Variants in GCNT3 observed in about 807,000 individuals in gnomAD.
GCNT3 encodes the protein beta-1,3-galactosyl-O-glycosyl-glycoprotein beta-1,6-N-acetylglucosaminyltransferase 3.
For missense variants in GCNT3, 708 were observed against 530.3 expected (o/e 1.34, Z -3.29); for synonymous variants, 269 against 195.2 (o/e 1.38, Z -3.15).
rs753665618 is a variant in GCNT3 at position 59,618,794 on chromosome 15, G to A, written c.556G>A (p.Val186Ile). The change falls in exon 3 of 3, where the codon GTC (valine) becomes ATC (isoleucine). Residue 186 changes from valine to isoleucine, a missense_variant. Coordinates refer to ENST00000396065, the MANE Select transcript of GCNT3 (RefSeq NM_004751.3). ...VKAIISCFPN[V>I]FIASKLVRVV... The stretch of plus-strand genomic sequence containing the variant: ...AGCAATTATTTCTTGCTTCCCAAAT[G>A]TCTTCATAGCCAGTAAGCTGGTTCG... 2 of 1,614,188 alleles carry A rather than the reference G, an allele frequency of 1.2e-6. No homozygotes were observed. The highest frequency in any genetic ancestry group is 3.3e-5 in the Admixed American group (2 of 60,018).
intron 1 of GCNT3, among the ~76,000 whole-genome samples, chr15:59,612,852 G>A (rs931664451): frequency 6.6e-6 from 1 of 152,058 alleles, no homozygotes; most frequent in Non-Finnish European, 1.5e-5. Context: ...TCTGCCTGAG[G>A]TGCTGAGGGT....
Position 59,618,880 on chromosome 15 carries a change from C to G in GCNT3, c.642C>G (p.Leu214=). 1 of 1,614,118 alleles carries G rather than the reference C, an allele frequency of 6.2e-7. No individual in the cohort carries two copies. The highest frequency in any genetic ancestry group is 8.5e-7 in the Non-Finnish European group (1 of 1,180,018). The change falls in exon 3 of 3, where the codon CTC becomes CTG. Residue 214 remains leucine (L), a synonymous_variant. Coordinates refer to ENST00000396065, the MANE Select transcript of GCNT3 (RefSeq NM_004751.3). ...QADLNCMEDL[L]QSSVPWKYFL... ...ACCTCAACTGCATGGAAGACTTGCT[C>G]CAGAGCTCAGTGCCGTGGAAATACT...
chr15:59,618,356 T>G lies in GCNT3; in HGVS notation c.118T>G (p.Leu40Val), dbSNP rs751891802. 3.7e-6 allele frequency: 6 copies of G among 1,613,764 alleles called. No individual in the cohort carries two copies. The highest frequency in any genetic ancestry group is 5.1e-6 in the Non-Finnish European group (6 of 1,179,790). The change falls in exon 3 of 3, where the codon TTG becomes GTG. Residue 40 changes from leucine to valine, a missense_variant. By Grantham distance (32) the Leu-to-Val change is conservative. Transcript: ENST00000396065. Reference sequence around the variant, plus strand: ...CAGGTTGAAGTGTGACTCTGACCACTTGGGTCTGGAGTCCAGGGAATCTCA... The same window carrying G: ...CAGGTTGAAGTGTGACTCTGACCACGTGGGTCTGGAGTCCAGGGAATCTCA... The part of the protein sequence containing the change: ...SFRLKCDSDH[L>V]GLESRESQSQ...
chr15:59,619,553 T>G lies in GCNT3; in HGVS notation c.1315T>G (p.Ter439GlyextTer4). ...TAAGGCCATCTATGGGACTGAACTTTGAGACACACTATGAGAGCGTTGCTA... is the reference window on the plus strand; with the variant it reads ...TAAGGCCATCTATGGGACTGAACTTGGAGACACACTATGAGAGCGTTGCTA... ...RYKAIYGTEL[*>G] Residue 439 changes from the stop codon to glycine (G), a stop_lost, in exon 3 of 3, where the codon TGA becomes GGA. Coordinates refer to ENST00000396065, the MANE Select transcript of GCNT3 (RefSeq NM_004751.3). The G allele has an allele frequency of 2.4e-5, 37 of 1,555,612 alleles. No individual in the cohort carries two copies. The highest frequency in any genetic ancestry group is 3.3e-5 in the Non-Finnish European group (37 of 1,134,548).
chr15:59,617,984 T>C (rs1274976778), intron 2 of GCNT3, 195 bp from the exon 3 acceptor site: 2 of 320,286 alleles, frequency 6.2e-6, no homozygotes, highest in African/African-American at 2.1e-5. Context: ...AGATCCAGAC[T>C]TGAGTGTGGT....
chr15:59,619,137 T>C lies in GCNT3; in HGVS notation c.899T>C (p.Val300Ala), dbSNP rs2082734934. Residue 300 changes from valine to alanine, a missense_variant, in exon 3 of 3, where the codon GTG becomes GCG. Physicochemically the swap from Val to Ala is moderately conservative, Grantham distance 64. Transcript: ENST00000396065. ...ATGTTTACAGGGAATGCGTACATTG[T>C]GGCTTCCCGAGATTTCGTCCAACAT... ...LTMFTGNAYI[V>A]ASRDFVQHVL... is the part of the protein sequence containing the mutation. 6.2e-7 allele frequency: 1 copy of C among 1,614,064 alleles called. No individual in the cohort carries two copies. Among genetic ancestry groups the C allele is most frequent in the Non-Finnish European group, 8.5e-7 (1 of 1,180,030 alleles).
In GCNT3 at chr15:59,620,544, T is replaced by G. The variant is rs1332020584; in HGVS notation, c.*989T>G. ...TTAAAAGCCATCCTCATTTTGTTTA[T>G]ATTGCCAGGTTTGTGATTTTTCTGT... On this transcript the variant is annotated 3_prime_UTR_variant, in exon 3 of 3. Transcript: ENST00000396065. 1.2e-5 allele frequency: 2 copies of G among 167,088 alleles called. No individual in the cohort carries two copies. The highest frequency in any genetic ancestry group is 2.9e-5 in the Non-Finnish European group (2 of 68,126). 10.4% of individuals were successfully genotyped at this position (167,088 alleles called of 1,614,324 possible).
rs77872214 is a variant in GCNT3 at position 59,614,851 on chromosome 15, A to T, written c.-250-1841A>T. Among the ~76,000 whole-genome samples, 1,036 of 152,308 alleles carry T rather than the reference A, an allele frequency of 6.8e-3. 11 individuals carry two copies. Among genetic ancestry groups the T allele is most frequent in the African/African-American group, 0.024 (1,004 of 41,544 alleles). On this transcript the variant is annotated intron_variant, in intron 1 of 2. Transcript: ENST00000396065. ...TTCAAGATGGAGTTGCTCTGGTTCA[A>T]GCACCTCTGACAACCCTACATGACT...
At position 59,619,274 on chromosome 15, in the gene GCNT3, G is replaced by T; in HGVS notation, c.1036G>T (p.Val346Phe). Residue 346 changes from valine to phenylalanine, a missense_variant, in exon 3 of 3, where the codon GTT (valine) becomes TTT (phenylalanine). By Grantham distance (50) the Val-to-Phe change is conservative. Coordinates refer to ENST00000396065, the MANE Select transcript of GCNT3 (RefSeq NM_004751.3). ...GCGTGCACGGTGGATGCCTGGCTCT[G>T]TTCCCAACCACCCCAAGTACGACAT... Reference protein sequence around the residue: ...LQRARWMPGSVPNHPKYDISD... With the variant: ...LQRARWMPGSFPNHPKYDISD... 6.2e-7 allele frequency: 1 copy of T among 1,614,106 alleles called. No homozygotes were observed. Among genetic ancestry groups the T allele is most frequent in the Admixed American group, 1.7e-5 (1 of 60,012 alleles).
chr15:59,617,445 T>C (rs1010908354), intron 2 of GCNT3, among the ~76,000 whole-genome samples: 13 of 152,148 alleles, frequency 8.5e-5, no homozygotes, highest in African/African-American at 2.7e-4. Context: ...GGCTTAATAA[T>C]ACATTTCAGA....
intron 2 of GCNT3, among the ~76,000 whole-genome samples, chr15:59,617,170 C>G (rs374732686): frequency 1.2e-5 from 1 of 82,350 alleles, no homozygotes; most frequent in Non-Finnish European, 2.5e-5. Context: ...CTTTTGTTTT[C>G]TTTCTTTCTT....
rs1375859933 is a variant in GCNT3, at chr15:59,618,526, G to C, written c.288G>C (p.Glu96Asp). 2.5e-6 allele frequency: 4 copies of C among 1,614,170 alleles called. No homozygotes were observed. In the South Asian group the frequency reaches 4.4e-5, roughly 18 times the overall value. ...LNNLEVKKKREPFTDTHYLSL... is the reference protein window; with the variant it reads ...LNNLEVKKKRDPFTDTHYLSL... ...ACCTGGAGGTCAAGAAGAAGCGAGA[G>C]CCTTTCACAGACACCCACTACCTCT... Residue 96 changes from glutamate (E) to aspartate (D), a missense_variant, in exon 3 of 3, where the codon GAG (glutamate) becomes GAC (aspartate). By Grantham distance (45) the Glu-to-Asp change is conservative (BLOSUM62 2). Transcript: ENST00000396065.
rs1238731882 is a variant in GCNT3 at position 59,622,020 on chromosome 15, T to G, written c.*2465T>G. ...CACAGTGAATTTTTTATTTATAAGG[T>G]AGTTACTTTTGGCCAGGTGTGGTGG... On this transcript the variant is annotated 3_prime_UTR_variant, in exon 3 of 3. Transcript: ENST00000396065. The G allele has an allele frequency of 1.3e-5, 2 of 151,670 alleles. No homozygotes were observed. The highest frequency in any genetic ancestry group is 2.9e-5 in the Non-Finnish European group (2 of 67,936). The allele number at this position is 151,670 out of a possible 1,614,324, so 9.4% of individuals were successfully genotyped here.
Position 59,618,244 on chromosome 15 carries a change from T to A in GCNT3, c.6T>A (p.Val2=). 6 of 1,554,020 alleles carry A rather than the reference T, an allele frequency of 3.9e-6. No individual in the cohort carries two copies. Among genetic ancestry groups the A allele is most frequent in the Non-Finnish European group, 5.2e-6 (6 of 1,145,192 alleles). The change falls in exon 3 of 3, where the codon GTT becomes GTA. Residue 2 remains valine (V), a synonymous_variant. Coordinates refer to ENST00000396065, the MANE Select transcript of GCNT3 (RefSeq NM_004751.3). ...CTGTCTCCCATTCTGTGACGATGGT[T>A]CAATGGAAGAGACTCTGCCAGCTGC... M[V]QWKRLCQLHY... is the part of the protein sequence containing the mutation.
At position 59,618,268 on chromosome 15, in the gene GCNT3, G is replaced by A; in HGVS notation, c.30G>A (p.Leu10=). 6.3e-7 allele frequency: 1 copy of A among 1,589,898 alleles called. No homozygotes were observed. The highest frequency in any genetic ancestry group is 1.1e-5 in the South Asian group (1 of 87,934). Residue 10 remains leucine (L), a synonymous_variant, in exon 3 of 3, where the codon CTG becomes CTA. Transcript: ENST00000396065. ...TTCAATGGAAGAGACTCTGCCAGCT[G>A]CATTACTTGTGGGCTCTGGGCTGCT... MVQWKRLCQ[L]HYLWALGCYM...
Position 59,622,351 on chromosome 15 carries a change from T to G in GCNT3, c.*2796T>G, listed in dbSNP as rs1013593122. Reference sequence around the variant, plus strand: ...AAGTTACCTTTTTTTGGTAAGGTTGTACTTCTTAGATAATGGTCATTGTCA... The same window carrying G: ...AAGTTACCTTTTTTTGGTAAGGTTGGACTTCTTAGATAATGGTCATTGTCA... On this transcript the variant is annotated 3_prime_UTR_variant, in exon 3 of 3. Coordinates refer to ENST00000396065, the MANE Select transcript of GCNT3 (RefSeq NM_004751.3). The G allele has an allele frequency of 6.6e-6, 1 of 152,094 alleles. No homozygotes were observed. The highest frequency in any genetic ancestry group is 2.4e-5 in the African/African-American group (1 of 41,416). The allele number at this position is 152,094 out of a possible 1,614,324, so 9.4% of individuals were successfully genotyped here.
At chr15:59,613,309 C>G (rs542162301) in intron 1 of GCNT3, among the ~76,000 whole-genome samples, 7 of 152,092 alleles carry the variant, frequency 4.6e-5, no homozygotes, top group African/African-American at 1.7e-4. Context: ...CTTGACGTTA[C>G]TATAATGTAG....
chr15:59,615,505 A>G (rs2082715522), intron 1 of GCNT3, among the ~76,000 whole-genome samples: 1 of 152,094 alleles, frequency 6.6e-6, no homozygotes, highest in Admixed American at 6.6e-5. Context: ...GCTATGTCCA[A>G]CAATTGCTAG....
In GCNT3 at chr15:59,619,907, T is replaced by C; in HGVS notation, c.*352T>C. On this transcript the variant is annotated 3_prime_UTR_variant, in exon 3 of 3. Transcript: ENST00000396065. ...CTTTTCCATTCTGTGGAGCTGCCGT[T>C]CCTAATAATTCCAGGTTTGGTAGCG... 1 of 200,904 alleles carries C rather than the reference T, an allele frequency of 5.0e-6. No individual in the cohort carries two copies. The allele number at this position is 200,904 out of a possible 1,614,324, so 12.4% of individuals were successfully genotyped here.
Sources: allele counts gnomAD v4.1 joint callset (sites outside exome capture counted in the v4.1 genomes callset), GRCh38; gene constraint gnomAD v4.1.1; transcripts MANE v1.5; gene names NCBI Gene and HGNC (gene_info 2026-07-23, HGNC 2026-07-21).